The following SYN3 variants were observed in gnomAD, a reference collection of about 807,000 sequenced individuals.
SYN3 encodes the protein synapsin III, also known as synapsin-3.
In SYN3, 35 loss-of-function variants were observed where a neutral mutation model predicts 65.8. That is an observed-to-expected ratio of 0.53 (90% CI 0.41 to 0.70). SYN3 has a LOEUF of 0.70. SYN3 is among the 30% of genes least tolerant of loss of function. The pLI is 0.00. For missense variants in SYN3, 680 were observed against 749.0 expected (o/e 0.91, Z 1.08); for synonymous variants, 270 against 292.9 (o/e 0.92, Z 0.80).
At chr22:32,563,628 G>T (rs2058617718) in intron 7 of SYN3, among the ~76,000 whole-genome samples, 1 of 152,198 alleles carries the variant, frequency 6.6e-6, no homozygotes, top group South Asian at 2.1e-4. Context: ...TGATGGATCA[G>T]GGTGGATCCT....
At chr22:32,999,945 G>A (rs775223403) in intron 2 of SYN3, among the ~76,000 whole-genome samples, 2 of 152,218 alleles carry the variant, frequency 1.3e-5, no homozygotes, top group African/African-American at 2.4e-5. Context: ...CTCAAGATGG[G>A]AGGTTTCAGA....
At position 32,807,355 on chromosome 22, in the gene SYN3, A is replaced by ATTATATAAATATATATT. The variant is rs1200361200; in HGVS notation, c.711+57559_711+57560insAATATATATTTATATAA. Among the ~76,000 whole-genome samples, 21 of 19,904 alleles carry ATTATATAAATATATATT rather than the reference A, an allele frequency of 1.1e-3. No homozygotes were observed. The East Asian group carries it at 0.075, about 71-fold the overall frequency. 13.1% of individuals were successfully genotyped at this position (19,904 alleles called of 152,430 possible). On this transcript the variant is annotated intron_variant, in intron 6 of 13. Transcript: ENST00000358763. ...ATTTATATATAATATATAAATATATAATATATAATATATATTATATATAAT... is the reference window on the plus strand; with the variant it reads ...ATTTATATATAATATATAAATATATATTATATAAATATATATTATATATAATATATATTATATATAAT...
At chr22:32,599,609 C>T (rs1486587260) in intron 6 of SYN3, among the ~76,000 whole-genome samples, 1 of 152,192 alleles carries the variant, frequency 6.6e-6, no homozygotes, top group Non-Finnish European at 1.5e-5. Context: ...GTGTGAGCCA[C>T]TGCGCCGGAA....
At chr22:32,804,861 C>T (rs2046683871) in intron 6 of SYN3, among the ~76,000 whole-genome samples, 1 of 152,156 alleles carries the variant, frequency 6.6e-6, no homozygotes, top group South Asian at 2.1e-4. Context: ...CCTGGCCAGT[C>T]ATTGCCCCTG....
intron 5 of SYN3, among the ~76,000 whole-genome samples, chr22:32,866,724 C>T (rs971361409): frequency 2.6e-5 from 4 of 151,946 alleles, no homozygotes; most frequent in African/African-American, 7.3e-5. Flanking sequence ...CAGTGGCACT[C>T]GAAAATCTTG....
chr22:32,874,104 T>C (rs910470565), intron 4 of SYN3, among the ~76,000 whole-genome samples: 1 of 152,096 alleles, frequency 6.6e-6, no homozygotes, highest in Non-Finnish European at 1.5e-5. Context: ...ACTGCCCTAC[T>C]GCCTGGATGA....
intron 6 of SYN3, among the ~76,000 whole-genome samples, chr22:32,788,538 C>T (rs1367924629): frequency 1.4e-5 from 2 of 141,366 alleles, no homozygotes; most frequent in African/African-American, 2.8e-5. Context: ...AAGACTCCAT[C>T]TCAAAAAAAA....
At chr22:32,652,119 T>C (rs935623505) in intron 6 of SYN3, among the ~76,000 whole-genome samples, 5 of 152,176 alleles carry the variant, frequency 3.3e-5, no homozygotes, top group Admixed American at 3.3e-4. Context: ...GAGACAGAGA[T>C]GATAATTGTA....
intron 3 of SYN3, among the ~76,000 whole-genome samples, chr22:32,971,978 C>G (rs775076760): frequency 2.0e-5 from 3 of 152,106 alleles, no homozygotes; most frequent in Non-Finnish European, 2.9e-5. Flanking sequence ...GTGATGGGGA[C>G]AGGGATTTAT....
chr22:32,559,703 C>A (rs1482908541), intron 7 of SYN3, among the ~76,000 whole-genome samples: 1 of 152,004 alleles, frequency 6.6e-6, no homozygotes, highest in Non-Finnish European at 1.5e-5. Context: ...CGGCGGGTGG[C>A]GCCTGTAGTC....
intron 6 of SYN3, among the ~76,000 whole-genome samples, chr22:32,753,956 C>G (rs1303828125): frequency 6.6e-6 from 1 of 152,240 alleles, no homozygotes; most frequent in Non-Finnish European, 1.5e-5. Context: ...AATACGTAGG[C>G]AGCACAGCAG....
Position 32,508,943 on chromosome 22 carries a change from A to G in SYN3, c.*4749T>C, listed in dbSNP as rs899002959. 2.6e-5 allele frequency among the ~76,000 whole-genome samples: 4 copies of G among 152,200 alleles called. No homozygotes were observed. The highest frequency in any genetic ancestry group is 5.9e-5 in the Non-Finnish European group (4 of 68,028). Reference sequence around the variant, plus strand: ...GCTGTGTTTGTTACCATGTGAGTGAAGACCTATCATCCCCTTAAATTTTGG... The same window carrying G: ...GCTGTGTTTGTTACCATGTGAGTGAGGACCTATCATCCCCTTAAATTTTGG... On this transcript the variant is annotated 3_prime_UTR_variant, in exon 14 of 14. Transcript: ENST00000358763.
intron 6 of SYN3, among the ~76,000 whole-genome samples, chr22:32,768,959 C>T (rs936685925): frequency 5.9e-5 from 9 of 152,166 alleles, no homozygotes; most frequent in Admixed American, 1.3e-4. Context: ...TGCTTTCCCT[C>T]TTGCTCCTTT....
intron 6 of SYN3, among the ~76,000 whole-genome samples, chr22:32,633,033 C>T (rs955441381): frequency 6.6e-6 from 1 of 152,192 alleles, no homozygotes; most frequent in African/African-American, 2.4e-5. Context: ...CATACAGGCT[C>T]ATGACGTTAG....
At chr22:32,894,614 C>T (rs2049540021) in intron 4 of SYN3, among the ~76,000 whole-genome samples, 1 of 152,326 alleles carries the variant, frequency 6.6e-6, no homozygotes, top group Admixed American at 6.5e-5. Context: ...GATGCCTCCA[C>T]CTGTGGCAGT....
intron 6 of SYN3, among the ~76,000 whole-genome samples, chr22:32,759,652 C>T (rs2145707864): frequency 6.8e-6 from 1 of 146,730 alleles, no homozygotes; most frequent in South Asian, 2.4e-4. Flanking sequence ...AGCACTCACC[C>T]ACCCCCAGCC....
intron 6 of SYN3, among the ~76,000 whole-genome samples, chr22:32,602,318 C>T (rs1036528249): frequency 3.9e-5 from 6 of 152,178 alleles, no homozygotes; most frequent in East Asian, 1.9e-4. Context: ...TTTGCAAACA[C>T]GTATGCACGG....
chr22:32,825,790 T>C (rs1366390448), intron 6 of SYN3, among the ~76,000 whole-genome samples: 6 of 150,364 alleles, frequency 4.0e-5, no homozygotes, highest in South Asian at 4.2e-4. Context: ...ATGTTTATCA[T>C]AGAGTTGTTT....
Position 32,801,863 on chromosome 22 carries a change from G to A in SYN3, c.711+63052C>T. 1 of 1,132,802 alleles carries A rather than the reference G, an allele frequency of 8.8e-7. No homozygotes were observed. Among genetic ancestry groups the A allele is most frequent in the Non-Finnish European group, 1.1e-6 (1 of 896,218 alleles). 70.2% of individuals were successfully genotyped at this position (1,132,802 alleles called of 1,614,324 possible). On this transcript the variant is annotated intron_variant, in intron 6 of 13. Transcript: ENST00000358763. The surrounding 1 kb of genome is among the most constrained non-coding windows in gnomAD (Gnocchi z 4.7). ...CATCCCGTCCCGCCGGGCACTCGGA[G>A]GGCAGCGCGCCGGAGGCCAAGGTTG...
Sources: allele counts gnomAD v4.1 joint callset (sites outside exome capture counted in the v4.1 genomes callset), GRCh38; gene constraint gnomAD v4.1.1; non-coding constraint Gnocchi (gnomAD v3.1); transcripts MANE v1.5; gene names NCBI Gene and HGNC (gene_info 2026-07-23, HGNC 2026-07-21).